Variants in BICRAL observed in about 807,000 individuals in gnomAD.
BICRAL encodes BICRA like chromatin remodeling complex associated protein, also known as BRD4-interacting chromatin-remodeling complex-associated protein-like.
BICRAL carries 8 observed loss-of-function variants against 91.8 expected under a neutral mutation model. That is an observed-to-expected ratio of 0.09 (90% CI 0.05 to 0.16). The LOEUF (loss-of-function observed/expected upper bound fraction) is 0.16, where lower values mean the gene tolerates loss of function less well. Ranked by LOEUF, BICRAL falls within the 10% of genes least tolerant of loss-of-function variation. BICRAL has a pLI of 1.00. For missense variants in BICRAL, 1,038 were observed against 1,310.9 expected (o/e 0.79, Z 3.21); for synonymous variants, 445 against 491.1 (o/e 0.91, Z 1.24).
chr6:42,792,740 C>T (rs1476721739), intron 1 of BICRAL, among the ~76,000 whole-genome samples: 1 of 151,746 alleles, frequency 6.6e-6, no homozygotes, highest in Non-Finnish European at 1.5e-5. Flanking sequence ...TGAAGAAACC[C>T]CATCTCTACT....
intron 2 of BICRAL, among the ~76,000 whole-genome samples, chr6:42,813,704 A>G (rs1422961178): frequency 2.6e-5 from 4 of 152,020 alleles, no homozygotes; most frequent in African/African-American, 9.7e-5. Flanking sequence ...TATTTTTTGT[A>G]GAGGTGGGGT....
Position 42,865,055 on chromosome 6 carries a change from G to A in BICRAL, c.2849G>A (p.Gly950Asp). 1 of 1,614,128 alleles carries A rather than the reference G, an allele frequency of 6.2e-7. No homozygotes were observed. Among genetic ancestry groups the A allele is most frequent in the Non-Finnish European group, 8.5e-7 (1 of 1,180,042 alleles). ...HRKTSSRSDH[G>D]TESKLSSILA... The stretch of plus-strand genomic sequence containing the variant: ...AAAACCTCATCCAGATCGGATCATG[G>A]TACTGAGAGCAAACTGTCAAGCATC... The change falls in exon 13 of 13, where the codon GGT (glycine) becomes GAT (aspartate). Residue 950 changes from glycine (G) to aspartate (D), a missense_variant. Gly to Asp is a moderately conservative substitution (Grantham distance 94). Coordinates refer to ENST00000314073, the MANE Select transcript of BICRAL (RefSeq NM_001393499.1).
upstream of BICRAL, among the ~76,000 whole-genome samples, chr6:42,778,827 G>T (rs76668141): frequency 0.065 from 9,890 of 151,894 alleles, 907 homozygotes; most frequent in African/African-American, 0.2. Flanking sequence ...TTTTTTGCGG[G>T]GTGGGGGAGG....
At chr6:42,756,201 CT>C (rs1762456490) in intron 1 of BICRAL, among the ~76,000 whole-genome samples, 1 of 152,188 alleles carries the variant, frequency 6.6e-6, no homozygotes, top group Non-Finnish European at 1.5e-5. Context: ...ACTTCTGCCC[CT>C]GCCATTGTAT....
intron 1 of BICRAL, among the ~76,000 whole-genome samples, chr6:42,800,295 C>T (rs1048499743): frequency 1.3e-5 from 2 of 152,136 alleles, no homozygotes; most frequent in Non-Finnish European, 2.9e-5. Context: ...CAACTCCTTA[C>T]CTTGTGATCC....
chr6:42,830,502 G>T (rs1764441338), intron 6 of BICRAL, among the ~76,000 whole-genome samples: 1 of 151,906 alleles, frequency 6.6e-6, no homozygotes, highest in Non-Finnish European at 1.5e-5. Flanking sequence ...GGAGGTTGAG[G>T]CTGCAGTGAG....
chr6:42,852,754 A>C (rs533954958), intron 7 of BICRAL, among the ~76,000 whole-genome samples: 1 of 151,848 alleles, frequency 6.6e-6, no homozygotes, highest in South Asian at 2.1e-4. Flanking sequence ...AAGCACTTCT[A>C]TCTAAATTAT....
chr6:42,866,621 G>T lies in BICRAL; in HGVS notation c.*1175G>T. 1 of 344,282 alleles carries T rather than the reference G, an allele frequency of 2.9e-6. No individual in the cohort carries two copies. Among genetic ancestry groups the T allele is most frequent in the East Asian group, 7.5e-5 (1 of 13,412 alleles). 21.3% of individuals were successfully genotyped at this position (344,282 alleles called of 1,614,324 possible). On this transcript the variant is annotated 3_prime_UTR_variant, in exon 13 of 13. Coordinates refer to ENST00000314073, the MANE Select transcript of BICRAL (RefSeq NM_001393499.1). ...TTACCAAAACACAGACAAACCAAAG[G>T]TAACCAGCTAGCCCACCACTGAAAG...
In BICRAL at chr6:42,757,229, T is replaced by G. The variant is rs935043341; in HGVS notation, c.-261+10206T>G. 2.0e-5 allele frequency among the ~76,000 whole-genome samples: 3 copies of G among 151,082 alleles called. No individual in the cohort carries two copies. The Admixed American group carries it at 2.0e-4, about 10-fold the overall frequency. On this transcript the variant is annotated intron_variant, in intron 1 of 14. Coordinates refer to the BICRAL transcript ENST00000614467. ...CCATCTTTGTGCAGATAATCTACCA[T>G]GCTCTATATAAATAGTTTTTTTTTA...
rs1227958047 is a variant in BICRAL at position 42,868,433 on chromosome 6, G to A, written c.*2987G>A. On this transcript the variant is annotated 3_prime_UTR_variant, in exon 13 of 13. Coordinates refer to ENST00000314073, the MANE Select transcript of BICRAL (RefSeq NM_001393499.1). ...AACAAATTGCAGTTTATTTTGTTAT[G>A]TTGGATAAATACTGTTAAAAGAAAC... 1 of 151,584 alleles carries A rather than the reference G, an allele frequency of 6.6e-6. No homozygotes were observed. The highest frequency in any genetic ancestry group is 1.5e-5 in the Non-Finnish European group (1 of 67,860). 9.4% of individuals were successfully genotyped at this position (151,584 alleles called of 1,614,324 possible).
chr6:42,809,765 C>T (rs1763805567), intron 1 of BICRAL, among the ~76,000 whole-genome samples: 2 of 151,460 alleles, frequency 1.3e-5, no homozygotes, highest in Non-Finnish European at 1.5e-5. Flanking sequence ...CCACCGTGCC[C>T]AGCTGGGAAT....
chr6:42,826,250 T>C (rs1212059163), intron 5 of BICRAL, among the ~76,000 whole-genome samples: 11 of 136,320 alleles, frequency 8.1e-5, no homozygotes, highest in African/African-American at 1.8e-4. Context: ...TTTTTTTTTT[T>C]TGAGACAAGA....
chr6:42,788,363 TAC>T (rs1359382852), intron 1 of BICRAL, among the ~76,000 whole-genome samples: 1 of 151,884 alleles, frequency 6.6e-6, no homozygotes, highest in Non-Finnish European at 1.5e-5. Flanking sequence ...TAGCTAGAAT[TAC>T]AGGTATGCAC....
chr6:42,775,490 T>C (rs1435904722), intron 1 of BICRAL, among the ~76,000 whole-genome samples: 1 of 152,182 alleles, frequency 6.6e-6, no homozygotes, highest in Admixed American at 6.5e-5. Flanking sequence ...TAAAGAGTTC[T>C]GATAGAATAC....
chr6:42,762,913 G>A (rs912488440), intron 1 of BICRAL, among the ~76,000 whole-genome samples: 1 of 150,580 alleles, frequency 6.6e-6, no homozygotes, highest in Non-Finnish European at 1.5e-5. Flanking sequence ...GGGTAACAGA[G>A]TGAGACTCTG....
At chr6:42,808,526 A>G (rs536160750) in intron 1 of BICRAL, among the ~76,000 whole-genome samples, 8 of 152,308 alleles carry the variant, frequency 5.3e-5, no homozygotes, top group African/African-American at 1.9e-4. Context: ...TTCTGTTTCC[A>G]TTGCCAGATT....
intron 2 of BICRAL, among the ~76,000 whole-genome samples, chr6:42,820,078 T>C (rs553340675): frequency 6.6e-6 from 1 of 152,316 alleles, no homozygotes; most frequent in South Asian, 2.1e-4. Flanking sequence ...TTCTCTGTGC[T>C]TGAAAGTGCT....
In BICRAL at chr6:42,864,838, T is replaced by C. The variant is rs756139473; in HGVS notation, c.2632T>C (p.Phe878Leu). The change falls in exon 13 of 13, where the codon TTT becomes CTT. Residue 878 changes from phenylalanine to leucine, a missense_variant. Transcript: ENST00000314073. ...GACGGAACCCATGAATCATGACCAGTTTCATCTAGTGCCTAATCACATCGT... is the reference window on the plus strand; with the variant it reads ...GACGGAACCCATGAATCATGACCAGCTTCATCTAGTGCCTAATCACATCGT... ...GVTEPMNHDQFHLVPNHIVVS... is the reference protein window; with the variant it reads ...GVTEPMNHDQLHLVPNHIVVS... The C allele has an allele frequency of 1.2e-6, 2 of 1,614,100 alleles. No individual in the cohort carries two copies. The highest frequency in any genetic ancestry group is 1.7e-6 in the Non-Finnish European group (2 of 1,180,024).
At chr6:42,793,122 ATTTTTTTTTTTTTTTTTTTT>A (rs1159342197) in intron 1 of BICRAL, among the ~76,000 whole-genome samples, 14 of 37,254 alleles carry the variant, frequency 3.8e-4, no homozygotes, top group African/African-American at 8.3e-4. Flanking sequence ...TGCCCAGCTA[ATTTTTTTTTTTTTTTTTTTT>A]TTTTTTTTTT....
Sources: gnomAD v4.1 joint callset for allele counts (sites outside exome capture counted in the v4.1 genomes callset) on GRCh38, gnomAD v4.1.1 for gene constraint, MANE v1.5 for transcripts, NCBI Gene and HGNC (gene_info 2026-07-23, HGNC 2026-07-21) for gene names.